STRN: variants seen among roughly 807,000 people sequenced by gnomAD.
The protein encoded by STRN is protein phosphatase 2 regulatory subunit B'''alpha.
Under a neutral mutation model 96.3 loss-of-function variants are expected in STRN, and 53 were observed. That is an observed-to-expected ratio of 0.55 (90% confidence interval 0.44 to 0.69). The LOEUF (loss-of-function observed/expected upper bound fraction) is 0.69, where lower values mean the gene tolerates loss of function less well. STRN is among the 30% of genes least tolerant of loss of function. The pLI, the probability that STRN is intolerant of heterozygous loss-of-function variation, is 0.00. For synonymous variants in STRN, 428 were observed against 355.9 expected (o/e 1.20, Z -2.28); for missense variants, 987 against 963.9 (o/e 1.02, Z -0.32).
chr2:36,951,875 A>C (rs1022607284), intron 1 of STRN, among the ~76,000 whole-genome samples: 4 of 152,226 alleles, frequency 2.6e-5, no homozygotes, highest in African/African-American at 9.6e-5. Context: ...GCAGCAGGCA[A>C]GCCAGCATTA....
chr2:36,909,905 GC>G (rs1383561421), intron 3 of STRN, among the ~76,000 whole-genome samples: 2 of 152,144 alleles, frequency 1.3e-5, no homozygotes, highest in Admixed American at 6.5e-5. Context: ...GGGCGCAGTG[GC>G]TCACGCCTGT....
intron 12 of STRN, 95 bp downstream of exon 12, chr2:36,867,719 C>T (rs1229927510): frequency 5.0e-6 from 4 of 797,974 alleles, no homozygotes; most frequent in Non-Finnish European, 7.4e-6. Context: ...CTCCTAAATA[C>T]AAAGAATACC....
At chr2:36,880,817 G>A (rs1385354869) in intron 9 of STRN, among the ~76,000 whole-genome samples, 1 of 152,156 alleles carries the variant, frequency 6.6e-6, no homozygotes. Flanking sequence ...TCCTAGGATA[G>A]ACCATATAAA....
chr2:36,966,144 G>A, intron 1 of STRN, 86 bp downstream of exon 1: 1 of 1,348,532 alleles, frequency 7.4e-7, no homozygotes, highest in Non-Finnish European at 9.6e-7. Context: ...ACGCGAGAAG[G>A]CTGGGGGAGG....
At chr2:36,890,228 T>C (rs1669352265) in intron 7 of STRN, among the ~76,000 whole-genome samples, 1 of 152,164 alleles carries the variant, frequency 6.6e-6, no homozygotes, top group Non-Finnish European at 1.5e-5. Context: ...TAACATCTCC[T>C]TGGTTTCCAG....
rs1667972902 is a variant in STRN at position 36,842,382 on chromosome 2, T to G, written c.*7074A>C. 6.6e-6 allele frequency: 1 copy of G among 152,280 alleles called. No individual in the cohort carries two copies. Among genetic ancestry groups the G allele is most frequent in the East Asian group, 1.9e-4 (1 of 5,184 alleles). 9.4% of individuals were successfully genotyped at this position (152,280 alleles called of 1,614,324 possible). On this transcript the variant is annotated 3_prime_UTR_variant, in exon 18 of 18. Transcript: ENST00000263918. ...ATTATAGCACATAAATTAATAACAC[T>G]ATAGTACTCCAAGTGCTGTTTAACA...
chr2:36,938,777 T>C (rs1163050795), intron 1 of STRN, among the ~76,000 whole-genome samples: 1 of 152,202 alleles, frequency 6.6e-6, no homozygotes, highest in Non-Finnish European at 1.5e-5. Flanking sequence ...CATGTAATCA[T>C]CCTTTATATC....
chr2:36,944,339 T>A (rs986933029), intron 1 of STRN, among the ~76,000 whole-genome samples: 1 of 152,174 alleles, frequency 6.6e-6, no homozygotes, highest in Non-Finnish European at 1.5e-5. Context: ...TCCTCATAGG[T>A]AGAAGGAAAT....
intron 3 of STRN, among the ~76,000 whole-genome samples, chr2:36,913,955 T>C (rs1488820160): frequency 1.3e-5 from 2 of 152,290 alleles, no homozygotes; most frequent in South Asian, 4.1e-4. Context: ...AAGCCCCTTC[T>C]ACTGAGCTGC....
chr2:36,908,986 C>T (rs1669895117), intron 3 of STRN, among the ~76,000 whole-genome samples: 1 of 116,326 alleles, frequency 8.6e-6, no homozygotes, highest in African/African-American at 4.0e-5. Context: ...ATCCCCACCC[C>T]CAAACACCCC....
At chr2:36,904,689 A>T (rs1365335373) in intron 4 of STRN, among the ~76,000 whole-genome samples, 1 of 152,120 alleles carries the variant, frequency 6.6e-6, no homozygotes, top group Non-Finnish European at 1.5e-5. Context: ...TGAGACAGGC[A>T]TAGAGGCACA....
chr2:36,884,099 G>C lies in STRN; in HGVS notation c.1043-24C>G, dbSNP rs755158186. On this transcript the variant is annotated intron_variant, in intron 8 of 17. Coordinates refer to ENST00000263918, the MANE Select transcript of STRN (RefSeq NM_003162.4). ...CCCTAGCCAAAAAAAGGGGGGGTGGGAGGAGATAAAAAAGAGAAAAGAGAA... is the reference window on the plus strand; with the variant it reads ...CCCTAGCCAAAAAAAGGGGGGGTGGCAGGAGATAAAAAAGAGAAAAGAGAA... The C allele has an allele frequency of 6.1e-6, 8 of 1,316,784 alleles. No homozygotes were observed. In the African/African-American group the frequency reaches 1.2e-4, roughly 20 times the overall value. 81.6% of individuals were successfully genotyped at this position (1,316,784 alleles called of 1,614,324 possible).
chr2:36,955,564 CCTT>C (rs1194159909), intron 1 of STRN, among the ~76,000 whole-genome samples: 4 of 152,184 alleles, frequency 2.6e-5, no homozygotes, highest in African/African-American at 9.7e-5. Context: ...CCCTCTCCTC[CCTT>C]CTTCTGTCTC....
At chr2:36,888,804 G>T (rs1202877614) in intron 7 of STRN, among the ~76,000 whole-genome samples, 1 of 151,932 alleles carries the variant, frequency 6.6e-6, no homozygotes, top group Non-Finnish European at 1.5e-5. Context: ...CCTCTGCCCT[G>T]CAAGTAGCTG....
intron 10 of STRN, 54 bp downstream of exon 10, chr2:36,877,837 A>T (rs1668955510): frequency 6.2e-7 from 1 of 1,603,722 alleles, no homozygotes; most frequent in African/African-American, 1.3e-5. Flanking sequence ...ACCCAGCCCA[A>T]GTTTTTGTTT....
intron 7 of STRN, among the ~76,000 whole-genome samples, chr2:36,887,362 T>C (rs1669266868): frequency 6.6e-6 from 1 of 151,600 alleles, no homozygotes; most frequent in Non-Finnish European, 1.5e-5. Context: ...CCCAGTTACT[T>C]GGGAGGCTGA....
At chr2:36,963,259 G>C (rs890984471) in intron 1 of STRN, among the ~76,000 whole-genome samples, 3 of 152,164 alleles carry the variant, frequency 2.0e-5, no homozygotes, top group African/African-American at 7.2e-5. Context: ...GTCTTCCCTG[G>C]CAACCTGAAA....
intron 1 of STRN, among the ~76,000 whole-genome samples, chr2:36,931,030 CAA>C (rs532988993): frequency 7.1e-6 from 1 of 141,088 alleles, no homozygotes; most frequent in Non-Finnish European, 1.6e-5. Context: ...AAAATTGCCT[CAA>C]AAAAAAAAAG....
intron 1 of STRN, among the ~76,000 whole-genome samples, chr2:36,936,651 A>G (rs559783436): frequency 3.3e-5 from 5 of 152,336 alleles, no homozygotes; most frequent in South Asian, 2.1e-4. Flanking sequence ...TATAAAAACT[A>G]TATTTGAGAA....
Sources: gnomAD v4.1 joint callset for allele counts (sites outside exome capture counted in the v4.1 genomes callset) on GRCh38, gnomAD v4.1.1 for gene constraint, MANE v1.5 for transcripts, NCBI Gene and HGNC (gene_info 2026-07-23, HGNC 2026-07-21) for gene names.